Variants in COL5A2 observed in about 807,000 individuals in gnomAD.
The protein encoded by COL5A2 is collagen type V alpha 2 chain, also known as collagen alpha-2(V) chain.
In COL5A2, 23 loss-of-function variants were observed where a neutral mutation model predicts 208.2. The observed-to-expected ratio is 0.11, with a 90% CI of 0.08 to 0.16. The LOEUF is 0.16. Ranked by LOEUF, COL5A2 falls within the 10% of genes least tolerant of loss-of-function variation. The probability of loss-of-function intolerance (pLI) is 1.00; values close to 1 mark genes in which losing one functional copy is unlikely to be tolerated. For synonymous variants in COL5A2, 625 were observed against 628.5 expected, an observed-to-expected ratio of 0.99 and a Z score of 0.08; for missense variants, 1,590 against 1,956.4, an observed-to-expected ratio of 0.81 and a Z score of 3.53.
chr2:189,176,557 C>T (rs757365229), intron 1 of COL5A2, among the ~76,000 whole-genome samples: 6 of 152,140 alleles, frequency 3.9e-5, no homozygotes, highest in Non-Finnish European at 7.4e-5. Flanking sequence ...AGCATGCCTA[C>T]TTCTAATAAC....
At chr2:189,350,626 A>G in the COL5A2 span, among the ~76,000 whole-genome samples, 2 of 152,230 alleles carry the variant, frequency 1.3e-5, no homozygotes, top group East Asian at 1.9e-4. Context: ...GTGACTAATT[A>G]TGTTTGTGGA....
chr2:189,337,175 A>ATT, the COL5A2 span, among the ~76,000 whole-genome samples: 2,933 of 141,934 alleles, frequency 0.021, 99 homozygotes, highest in African/African-American at 0.07. Context: ...TTTTGACATC[A>ATT]TTTTTTTTTT....
At chr2:189,294,965 C>T in the COL5A2 span, among the ~76,000 whole-genome samples, 8 of 152,054 alleles carry the variant, frequency 5.3e-5, no homozygotes, top group African/African-American at 1.9e-4. Context: ...ACCACCATGC[C>T]TAGCTAATTA....
At chr2:189,381,439 A>C in the COL5A2 span, among the ~76,000 whole-genome samples, 9 of 152,012 alleles carry the variant, frequency 5.9e-5, no homozygotes. Context: ...ATCTTTATAG[A>C]TGCATTAAGC....
At chr2:189,094,738 A>G (rs1037717606) in intron 6 of COL5A2, among the ~76,000 whole-genome samples, 1 of 50,956 alleles carries the variant, frequency 2.0e-5, no homozygotes, top group African/African-American at 5.1e-5. Context: ...TGCAACTAGA[A>G]CTTAGCACAT....
At chr2:189,309,443 G>A in the COL5A2 span, among the ~76,000 whole-genome samples, 1 of 152,076 alleles carries the variant, frequency 6.6e-6, no homozygotes, top group African/African-American at 2.4e-5. Flanking sequence ...CTGCACGTAT[G>A]GTACCTCCCA....
chr2:189,105,045 T>C (rs1407842708), intron 2 of COL5A2, among the ~76,000 whole-genome samples: 4 of 151,758 alleles, frequency 2.6e-5, no homozygotes, highest in Non-Finnish European at 5.9e-5. Flanking sequence ...TACTTTATCA[T>C]CTAACCAGGA....
At chr2:189,047,286 T>C (rs983685752) in intron 45 of COL5A2, among the ~76,000 whole-genome samples, 6 of 152,228 alleles carry the variant, frequency 3.9e-5, no homozygotes, top group African/African-American at 1.4e-4. Flanking sequence ...CCTTTGAAGA[T>C]GGTTGCACTA....
chr2:189,392,294 G>A, the COL5A2 span, among the ~76,000 whole-genome samples: 2 of 152,068 alleles, frequency 1.3e-5, no homozygotes, highest in Non-Finnish European at 2.9e-5. Context: ...CTCAACCAGA[G>A]CTGGAAATAT....
chr2:189,111,524 T>A (rs1255423458), intron 1 of COL5A2, among the ~76,000 whole-genome samples: 1 of 152,142 alleles, frequency 6.6e-6, no homozygotes, highest in Non-Finnish European at 1.5e-5. Flanking sequence ...CACATGGCTA[T>A]CTATCATTAC....
intron 1 of COL5A2, among the ~76,000 whole-genome samples, chr2:189,210,689 T>G (rs1296295720): frequency 6.6e-6 from 1 of 152,208 alleles, no homozygotes; most frequent in Non-Finnish European, 1.5e-5. Flanking sequence ...ATCTATAACG[T>G]TTTTCAAAGT....
In COL5A2 at chr2:189,039,411, G is replaced by A. The variant is rs1250787856; in HGVS notation, c.3786C>T (p.Asn1262=). The A allele has an allele frequency of 6.2e-7, 1 of 1,613,974 alleles. No homozygotes were observed. The highest frequency in any genetic ancestry group is 1.1e-5 in the South Asian group (1 of 91,056). ...TEDQAAPDDK[N]KTDPGVHATL... ...TAGCATGAACCCCTGGGTCCGTTTT[G>A]TTTTTGTCATCAGGAGCCGCCTGAT... The change falls in exon 51 of 54, where the codon AAC becomes AAT. Residue 1262 remains asparagine, a synonymous_variant. Coordinates refer to ENST00000374866, the MANE Select transcript of COL5A2 (RefSeq NM_000393.5).
chr2:189,206,960 T>C (rs912647796), intron 1 of COL5A2, among the ~76,000 whole-genome samples: 6 of 152,240 alleles, frequency 3.9e-5, no homozygotes, highest in Admixed American at 3.9e-4. Context: ...CTTGTAACAT[T>C]GCCAACAATT....
At chr2:189,143,093 C>T (rs766526657) in intron 1 of COL5A2, among the ~76,000 whole-genome samples, 3 of 152,120 alleles carry the variant, frequency 2.0e-5, no homozygotes, top group Non-Finnish European at 2.9e-5. Flanking sequence ...TCAGCTACTT[C>T]ATAAGCCACC....
intron 9 of COL5A2, among the ~76,000 whole-genome samples, chr2:189,086,393 C>T (rs571854599): frequency 3.9e-4 from 59 of 152,232 alleles, no homozygotes; most frequent in Middle Eastern, 3.4e-3. Context: ...GATCTGATTT[C>T]ATAGCTTCAG....
chr2:189,131,208 A>G (rs1461412166), intron 1 of COL5A2, among the ~76,000 whole-genome samples: 2 of 152,140 alleles, frequency 1.3e-5, no homozygotes, highest in Non-Finnish European at 2.9e-5. Flanking sequence ...AATAAATGTC[A>G]TCTTTAAGTC....
chr2:189,038,424 T>C (rs948472347), intron 51 of COL5A2, among the ~76,000 whole-genome samples: 2 of 152,222 alleles, frequency 1.3e-5, no homozygotes, highest in Non-Finnish European at 2.9e-5. Flanking sequence ...CTTTATCCAA[T>C]CTACCATTGA....
chr2:189,224,169 TA>T (rs34660235), intron 1 of COL5A2, among the ~76,000 whole-genome samples: 2 of 149,474 alleles, frequency 1.3e-5, no homozygotes, highest in Non-Finnish European at 1.5e-5. Context: ...GGATAAAATC[TA>T]AAAAAAAAAG....
chr2:189,224,845 C>A (rs1245736834), intron 1 of COL5A2, among the ~76,000 whole-genome samples: 1 of 151,600 alleles, frequency 6.6e-6, no homozygotes, highest in Non-Finnish European at 1.5e-5. Flanking sequence ...TAAAAAAAAA[C>A]TGGAGGAAAT....
Sources: allele counts gnomAD v4.1 joint callset (sites outside exome capture counted in the v4.1 genomes callset), GRCh38; gene constraint gnomAD v4.1.1; transcripts MANE v1.5; gene names NCBI Gene and HGNC (gene_info 2026-07-23, HGNC 2026-07-21).